Variants in ABHD17C observed in about 807,000 individuals in gnomAD.
The protein encoded by ABHD17C is abhydrolase domain containing 17C, depalmitoylase.
ABHD17C carries 11 observed loss-of-function variants against 27.9 expected under a neutral mutation model. The ratio of observed to expected loss-of-function variants is 0.39; its 90% CI spans 0.25 to 0.65. The LOEUF (loss-of-function observed/expected upper bound fraction) is 0.65, where lower values mean the gene tolerates loss of function less well. Among genes scored for constraint, ABHD17C ranks in the 30% least tolerant of loss-of-function variants. ABHD17C has a pLI of 0.45. For synonymous variants in ABHD17C, 233 were observed against 209.1 expected, an observed-to-expected ratio of 1.11 and a Z score of -0.98; for missense variants, 280 against 470.2, an observed-to-expected ratio of 0.60 and a Z score of 3.74.
intron 1 of ABHD17C, among the ~76,000 whole-genome samples, chr15:80,697,576 C>T (rs1894511463): frequency 6.6e-6 from 1 of 151,964 alleles, no homozygotes; most frequent in South Asian, 2.1e-4. Context: ...CCCAAATATA[C>T]AGGTGTGTCT....
intron 1 of ABHD17C, among the ~76,000 whole-genome samples, chr15:80,724,899 C>G (rs957493718): frequency 6.6e-6 from 1 of 152,146 alleles, no homozygotes; most frequent in Non-Finnish European, 1.5e-5. Context: ...AACAGAGTGA[C>G]ATGCTTTTAC....
At chr15:80,720,135 G>A (rs1198836397) in intron 1 of ABHD17C, among the ~76,000 whole-genome samples, 2 of 152,070 alleles carry the variant, frequency 1.3e-5, no homozygotes, top group African/African-American at 4.8e-5. Context: ...AGGATCGTGG[G>A]GTTTCATCAT....
At chr15:80,752,955 T>G (rs1895383825) in intron 2 of ABHD17C, among the ~76,000 whole-genome samples, 1 of 152,244 alleles carries the variant, frequency 6.6e-6, no homozygotes, top group African/African-American at 2.4e-5. Flanking sequence ...AGAAGTCATT[T>G]GGAATAAAAT....
intron 1 of ABHD17C, among the ~76,000 whole-genome samples, chr15:80,724,067 G>T (rs555502119): frequency 6.6e-6 from 1 of 152,102 alleles, no homozygotes; most frequent in African/African-American, 2.4e-5. Flanking sequence ...GCTGGGTGTG[G>T]TGGTGGACAC....
intron 1 of ABHD17C, among the ~76,000 whole-genome samples, chr15:80,746,571 G>T (rs1412051522): frequency 1.3e-5 from 2 of 152,150 alleles, no homozygotes; most frequent in East Asian, 3.9e-4. Context: ...ACTGGTACTG[G>T]GTGTGTCCTA....
At chr15:80,750,499 G>A (rs1017160248) in intron 2 of ABHD17C, among the ~76,000 whole-genome samples, 1 of 152,124 alleles carries the variant, frequency 6.6e-6, no homozygotes, top group African/African-American at 2.4e-5. Flanking sequence ...AGAAGACACG[G>A]TTTTAGGGTT....
chr15:80,710,209 G>A (rs1230803360), intron 1 of ABHD17C, among the ~76,000 whole-genome samples: 1 of 152,192 alleles, frequency 6.6e-6, no homozygotes, highest in East Asian at 1.9e-4. Flanking sequence ...ATGGTTGGCA[G>A]ATGTAGAGAT....
intron 1 of ABHD17C, among the ~76,000 whole-genome samples, chr15:80,722,853 AG>A (rs1448110453): frequency 6.6e-6 from 1 of 152,228 alleles, no homozygotes; most frequent in Non-Finnish European, 1.5e-5. Flanking sequence ...TGTAGCATAA[AG>A]TTCTGCAGGA....
intron 1 of ABHD17C, among the ~76,000 whole-genome samples, chr15:80,707,568 C>CG (rs1007408665): frequency 2.0e-5 from 3 of 151,498 alleles, no homozygotes; most frequent in African/African-American, 7.3e-5. Flanking sequence ...ATGAGCCCCC[C>CG]CTCAAAAAAA....
intron 1 of ABHD17C, among the ~76,000 whole-genome samples, chr15:80,734,993 G>A (rs1213001879): frequency 6.6e-6 from 1 of 152,076 alleles, no homozygotes; most frequent in Non-Finnish European, 1.5e-5. Flanking sequence ...TCATCATCTC[G>A]CATGGGACCT....
intron 1 of ABHD17C, among the ~76,000 whole-genome samples, chr15:80,700,383 A>G (rs1320938731): frequency 6.6e-6 from 1 of 152,140 alleles, no homozygotes. Context: ...GTGTCTGCTG[A>G]TGCCATCCAC....
chr15:80,749,415 G>A lies in ABHD17C; in HGVS notation c.591-98G>A. 2.4e-6 allele frequency: 3 copies of A among 1,248,464 alleles called. No individual in the cohort carries two copies. In the East Asian group the frequency reaches 7.1e-5, roughly 29 times the overall value. The allele number at this position is 1,248,464 out of a possible 1,614,324, so 77.3% of individuals were successfully genotyped here. A position where few individuals can be genotyped will look rare whatever the true frequency, so the allele number is the denominator to read the frequency against. ...TAGATGATATGGTTTTAAGCTGGTGGATGTGGGAATTTTATGGGTTTAAGA... is the reference window on the plus strand; with the variant it reads ...TAGATGATATGGTTTTAAGCTGGTGAATGTGGGAATTTTATGGGTTTAAGA... On this transcript the variant is annotated intron_variant, in intron 1 of 2. Coordinates refer to ENST00000258884, the MANE Select transcript of ABHD17C (RefSeq NM_021214.2).
chr15:80,724,210 G>T (rs1330069983), intron 1 of ABHD17C, among the ~76,000 whole-genome samples: 1 of 151,860 alleles, frequency 6.6e-6, no homozygotes, highest in Non-Finnish European at 1.5e-5. Flanking sequence ...GGTGTGGTGG[G>T]GCATGCCTTT....
intron 1 of ABHD17C, among the ~76,000 whole-genome samples, chr15:80,712,580 T>C (rs1430149270): frequency 2.0e-5 from 3 of 152,198 alleles, no homozygotes; most frequent in Non-Finnish European, 4.4e-5. Flanking sequence ...ACAGAAGTGC[T>C]CAGAGGAGAA....
In ABHD17C at chr15:80,754,372, G is replaced by A. The variant is rs1895406780; in HGVS notation, c.*2G>A. ...TCTCACGAACTTCCTAATTCCTGAA[G>A]ACAACAACTTGATCTTACCTCATTT... is the stretch of plus-strand genomic sequence containing the variant. On this transcript the variant is annotated 3_prime_UTR_variant, in exon 3 of 3. Coordinates refer to ENST00000258884, the MANE Select transcript of ABHD17C (RefSeq NM_021214.2). 1 of 1,608,706 alleles carries A rather than the reference G, an allele frequency of 6.2e-7. No individual in the cohort carries two copies. The highest frequency in any genetic ancestry group is 1.3e-5 in the African/African-American group (1 of 74,936).
At chr15:80,711,274 A>G (rs1158890793) in intron 1 of ABHD17C, among the ~76,000 whole-genome samples, 2 of 152,128 alleles carry the variant, frequency 1.3e-5, no homozygotes, top group Non-Finnish European at 2.9e-5. Flanking sequence ...TCACTGAGTG[A>G]CAGGTCTCTG....
intron 1 of ABHD17C, among the ~76,000 whole-genome samples, chr15:80,708,954 T>A (rs1372516081): frequency 6.6e-6 from 1 of 152,028 alleles, no homozygotes; most frequent in Non-Finnish European, 1.5e-5. Context: ...CCTGGGGACA[T>A]GAAGTTCCTG....
At chr15:80,720,525 C>A (rs2141502431) in intron 1 of ABHD17C, among the ~76,000 whole-genome samples, 1 of 152,192 alleles carries the variant, frequency 6.6e-6, no homozygotes, top group African/African-American at 2.4e-5. Flanking sequence ...TTTCTTGAAG[C>A]TGGCCTGTTT....
chr15:80,713,787 T>C (rs1894763167), intron 1 of ABHD17C, among the ~76,000 whole-genome samples: 2 of 151,434 alleles, frequency 1.3e-5, no homozygotes, highest in African/African-American at 4.9e-5. Flanking sequence ...CCAGCCTGAG[T>C]GACAGAGCGA....
Sources: gnomAD v4.1 joint callset for allele counts (sites outside exome capture counted in the v4.1 genomes callset) on GRCh38, gnomAD v4.1.1 for gene constraint, MANE v1.5 for transcripts, NCBI Gene and HGNC (gene_info 2026-07-23, HGNC 2026-07-21) for gene names.